Variants in VPS13A observed in about 807,000 individuals in gnomAD.
VPS13A encodes intermembrane lipid transfer protein VPS13A.
A neutral mutation model predicts 390.9 loss-of-function variants in VPS13A; 264 were observed. The ratio of observed to expected loss-of-function variants is 0.68; its 90% CI spans 0.61 to 0.75. The LOEUF (loss-of-function observed/expected upper bound fraction) is 0.75. Ranked by LOEUF, VPS13A falls within the 30% of genes least tolerant of loss-of-function variation. The pLI is 0.00. For missense variants in VPS13A, 3,409 were observed against 3,733.9 expected (o/e 0.91, Z 2.27); for synonymous variants, 1,231 against 1,227.1 (o/e 1.00, Z -0.07).
intron 9 of VPS13A, 126 bp from the exon 10 acceptor site, chr9:77,214,203 G>C (rs974603672): frequency 1.3e-6 from 1 of 783,250 alleles, no homozygotes; most frequent in African/African-American, 1.7e-5. Context: ...ATGAGTCCAT[G>C]AGACAGGGGT....
rs17423381 is a variant in VPS13A, at chr9:77,302,744, C to G, written c.3813-171C>G. 0.057 allele frequency among the ~76,000 whole-genome samples: 8,742 copies of G among 152,118 alleles called. 372 individuals are homozygous for G. Among genetic ancestry groups the G allele is most frequent in the South Asian group, 0.12 (590 of 4,824 alleles). ...AGGTTTCTAGTGGGATAGAACATCACTCAACTCATTTTGACAGATAAAAAA... is the reference window on the plus strand; with the variant it reads ...AGGTTTCTAGTGGGATAGAACATCAGTCAACTCATTTTGACAGATAAAAAA... On this transcript the variant is annotated intron_variant, in intron 33 of 71. Coordinates refer to ENST00000360280, the MANE Select transcript of VPS13A (RefSeq NM_033305.3).
At chr9:77,382,445 G>T (rs1422698684) in intron 68 of VPS13A, 8 of 1,388,760 alleles carry the variant, frequency 5.8e-6, no homozygotes, top group South Asian at 1.9e-5. Flanking sequence ...AATGAATCTG[G>T]TTTTTTTATA....
At position 77,314,659 on chromosome 9, in the gene VPS13A, T is replaced by G. The variant is rs748472828; in HGVS notation, c.4407T>G (p.Thr1469=). 6.2e-7 allele frequency: 1 copy of G among 1,611,358 alleles called. No individual in the cohort carries two copies. The change falls in exon 37 of 72, where the codon ACT becomes ACG. Residue 1469 remains threonine, a synonymous_variant. Transcript: ENST00000360280. ...DDKRPHVKKA[T]PRMIGLTVGF... ...AAAGACCTCATGTCAAGAAAGCAAC[T>G]CCTCGGTATGTATTGTAATGATGTT...
chr9:77,401,667 T>A (rs976144302), intron 68 of VPS13A, among the ~76,000 whole-genome samples: 4 of 152,230 alleles, frequency 2.6e-5, no homozygotes, highest in African/African-American at 9.6e-5. Flanking sequence ...TCATGATGCT[T>A]CTTCCTCTTA....
intron 40 of VPS13A, 138 bp from the exon 41 acceptor site, chr9:77,318,097 A>G: frequency 1.9e-6 from 1 of 522,492 alleles, no homozygotes; most frequent in Non-Finnish European, 3.2e-6. Flanking sequence ...AAAATTTTAT[A>G]AACAATAAAT....
chr9:77,368,045 C>CT lies in VPS13A; in HGVS notation c.8472-4dup, dbSNP rs1323510515. ...CATGTACAGACAATATATTTTTACGCTTTTTTCAGGCTTGCATTTTTTGAA... is the reference window on the plus strand; with the variant it reads ...CATGTACAGACAATATATTTTTACGCTTTTTTTCAGGCTTGCATTTTTTGAA... On this transcript the variant is annotated splice_polypyrimidine_tract_variant and intron_variant, in intron 61 of 71. Transcript: ENST00000360280. 6.2e-7 allele frequency: 1 copy of CT among 1,608,016 alleles called. No homozygotes were observed. Among genetic ancestry groups the CT allele is most frequent in the Non-Finnish European group, 8.5e-7 (1 of 1,177,056 alleles).
intron 7 of VPS13A, among the ~76,000 whole-genome samples, chr9:77,211,875 G>C (rs1482986293): frequency 6.6e-6 from 1 of 152,150 alleles, no homozygotes; most frequent in Non-Finnish European, 1.5e-5. Context: ...AGGAGGTAAG[G>C]CCTGGGAGTG....
chr9:77,346,340 C>G (rs1831150810), intron 52 of VPS13A, among the ~76,000 whole-genome samples: 1 of 151,996 alleles, frequency 6.6e-6, no homozygotes, highest in Non-Finnish European at 1.5e-5. Context: ...TATTCATGTC[C>G]TTAGCCCACT....
rs1342317465 is a variant in VPS13A, at chr9:77,340,458, A to G, written c.6934A>G (p.Thr2312Ala). ...TAACATTACTAGAATTGTGACATTT[A>G]CCCCTTTTTATATGATTAAAAACAA... The part of the protein sequence containing the change: ...SFNITRIVTF[T>A]PFYMIKNKSK... Residue 2312 changes from threonine to alanine, a missense_variant, in exon 50 of 72, where the codon ACC becomes GCC. Thr to Ala is a moderately conservative substitution (Grantham distance 58). Coordinates refer to ENST00000360280, the MANE Select transcript of VPS13A (RefSeq NM_033305.3). 3 of 1,613,412 alleles carry G rather than the reference A, an allele frequency of 1.9e-6. No individual in the cohort carries two copies. The East Asian group carries it at 6.7e-5, about 36-fold the overall frequency.
chr9:77,253,491 G>A (rs1825259616), intron 22 of VPS13A, among the ~76,000 whole-genome samples: 1 of 152,056 alleles, frequency 6.6e-6, no homozygotes, highest in Non-Finnish European at 1.5e-5. Flanking sequence ...GTTTTTGGTA[G>A]GGATGGGATT....
intron 21 of VPS13A, among the ~76,000 whole-genome samples, chr9:77,251,352 ATTAATCTTG>A (rs1408051713): frequency 1.3e-5 from 2 of 152,202 alleles, no homozygotes; most frequent in Non-Finnish European, 2.9e-5. Context: ...CTGAGATCCC[ATTAATCTTG>A]TTATGAATTT....
chr9:77,312,275 G>A lies in VPS13A; in HGVS notation c.4115-1717G>A, dbSNP rs966501805. Among the ~76,000 whole-genome samples, 11 of 152,098 alleles carry A rather than the reference G, an allele frequency of 7.2e-5. 1 individual carries two copies. The highest frequency in any genetic ancestry group is 2.2e-4 in the African/African-American group (9 of 41,422). ...TAGGAGAAACCCAAGCCTCAGACTTGATGTATGTATCTTTTATCCAGAGTA... is the reference window on the plus strand; with the variant it reads ...TAGGAGAAACCCAAGCCTCAGACTTAATGTATGTATCTTTTATCCAGAGTA... On this transcript the variant is annotated intron_variant, in intron 35 of 71. Coordinates refer to ENST00000360280, the MANE Select transcript of VPS13A (RefSeq NM_033305.3).
chr9:77,351,804 GA>G (rs1240263186), intron 53 of VPS13A, among the ~76,000 whole-genome samples: 8 of 152,056 alleles, frequency 5.3e-5, no homozygotes, highest in Admixed American at 5.2e-4. Flanking sequence ...GGGAGGCAGC[GA>G]TTGCAGTGAG....
At chr9:77,315,219 C>G in intron 37 of VPS13A, 34 bp from the exon 38 acceptor site, 1 of 1,573,794 alleles carries the variant, frequency 6.4e-7, no homozygotes, top group Non-Finnish European at 8.7e-7. Context: ...CTAAGTTACT[C>G]ATACATAGGA....
chr9:77,410,904 C>G (rs1483568764), intron 71 of VPS13A, among the ~76,000 whole-genome samples: 1 of 152,152 alleles, frequency 6.6e-6, no homozygotes. Context: ...ACAAGGATAT[C>G]CAGGAATTGA....
chr9:77,247,235 T>G, intron 19 of VPS13A, 24 bp from the exon 20 acceptor site: 1 of 1,530,700 alleles, frequency 6.5e-7, no homozygotes, highest in Middle Eastern at 1.8e-4. Flanking sequence ...AAAGTATTCA[T>G]AGAAAAGATT....
Position 77,228,151 on chromosome 9 carries a change from G to T in VPS13A, c.1482G>T (p.Leu494Phe). Residue 494 changes from leucine to phenylalanine, a missense_variant, in exon 17 of 72, where the codon TTG (leucine) becomes TTT (phenylalanine). Around this residue, in one of 5 missense-constraint regions of VPS13A, gnomAD observed 2,717 missense variants for 2,917.4 expected, o/e 0.93. Transcript: ENST00000360280. ...AAGCCTTGAAGTTTTTTGTCCACTTGAAAAGTATGTCTATTGTTCTAAGAG... is the reference window on the plus strand; with the variant it reads ...AAGCCTTGAAGTTTTTTGTCCACTTTAAAAGTATGTCTATTGTTCTAAGAG... ...TFEALKFFVH[L>F]KSMSIVLREN... 2 of 1,603,374 alleles carry T rather than the reference G, an allele frequency of 1.2e-6. No individual in the cohort carries two copies. Among genetic ancestry groups the T allele is most frequent in the Non-Finnish European group, 1.7e-6 (2 of 1,174,814 alleles).
chr9:77,270,690 C>CA (rs1329079873), intron 23 of VPS13A, among the ~76,000 whole-genome samples: 1 of 149,106 alleles, frequency 6.7e-6, no homozygotes, highest in Non-Finnish European at 1.5e-5. Context: ...GAATCTGTCT[C>CA]AAAAACAAAA....
chr9:77,306,187 C>T (rs1828730072), intron 34 of VPS13A, among the ~76,000 whole-genome samples: 1 of 152,064 alleles, frequency 6.6e-6, no homozygotes, highest in Non-Finnish European at 1.5e-5. Flanking sequence ...AATTTTAAAA[C>T]ACTAAATTAG....
Sources: allele counts gnomAD v4.1 joint callset (sites outside exome capture counted in the v4.1 genomes callset), GRCh38; gene constraint gnomAD v4.1.1; regional missense constraint gnomAD v4.1.1; transcripts MANE v1.5; gene names NCBI Gene and HGNC (gene_info 2026-07-23, HGNC 2026-07-21).